HDAC9: variants seen among roughly 807,000 people sequenced by gnomAD.
HDAC9 encodes MEF-2 interacting transcription repressor (MITR) protein.
A neutral mutation model predicts 139.4 loss-of-function variants in HDAC9; 41 were observed. The ratio of observed to expected loss-of-function variants is 0.29; its 90% CI spans 0.23 to 0.38. The LOEUF (loss-of-function observed/expected upper bound fraction) is 0.38, where lower values mean the gene tolerates loss of function less well. Ranked by LOEUF, HDAC9 falls within the 10% of genes least tolerant of loss-of-function variation. HDAC9 has a pLI of 1.00. For missense variants in HDAC9, 1,147 were observed against 1,297.0 expected, an observed-to-expected ratio of 0.88 and a Z score of 1.78; for synonymous variants, 517 against 476.2, an observed-to-expected ratio of 1.09 and a Z score of -1.12.
intron 12 of HDAC9, among the ~76,000 whole-genome samples, chr7:18,713,170 G>A (rs1373662328): frequency 6.6e-6 from 1 of 152,116 alleles, no homozygotes; most frequent in Non-Finnish European, 1.5e-5. Context: ...TGTGAGAAAT[G>A]AGTGTCATAA....
At chr7:18,354,762 G>A (rs377404454) in intron 1 of HDAC9, among the ~76,000 whole-genome samples, 2 of 152,120 alleles carry the variant, frequency 1.3e-5, no homozygotes, top group African/African-American at 4.8e-5. Context: ...TGTGAAAAAG[G>A]CAATTCATCA....
Position 18,644,658 on chromosome 7 carries a change from C to CT in HDAC9, c.913-6dup, listed in dbSNP as rs769448152. On this transcript the variant is annotated splice_polypyrimidine_tract_variant and intron_variant, in intron 8 of 25. Transcript: ENST00000686413. The stretch of plus-strand genomic sequence containing the variant: ...TACTGTGGTATTTTGAGACTCTCCT[C>CT]TTTTTTTAACAGCAAATGGTTTCAC... 1.7e-5 allele frequency: 27 copies of CT among 1,603,700 alleles called. No homozygotes were observed. Among genetic ancestry groups the CT allele is most frequent in the African/African-American group, 2.7e-5 (2 of 74,508 alleles).
At chr7:18,202,447 A>G (rs545222622) in intron 2 of HDAC9, among the ~76,000 whole-genome samples, 4 of 152,278 alleles carry the variant, frequency 2.6e-5, no homozygotes, top group African/African-American at 7.2e-5. Flanking sequence ...TACTTAATTC[A>G]GAGGTAAATG....
At chr7:18,978,460 G>A (rs1394045652) in intron 25 of HDAC9, among the ~76,000 whole-genome samples, 3 of 152,130 alleles carry the variant, frequency 2.0e-5, no homozygotes, top group Non-Finnish European at 4.4e-5. Flanking sequence ...GATGGGCCTT[G>A]AAGAATAAAT....
At chr7:18,832,740 T>A (rs530451360) in intron 19 of HDAC9, among the ~76,000 whole-genome samples, 2 of 149,508 alleles carry the variant, frequency 1.3e-5, no homozygotes, top group African/African-American at 5.0e-5. Context: ...TATATATATA[T>A]TTTTTTTTTC....
intron 1 of HDAC9, among the ~76,000 whole-genome samples, chr7:18,410,036 TTC>T (rs923587743): frequency 2.0e-5 from 3 of 152,152 alleles, no homozygotes; most frequent in African/African-American, 7.2e-5. Flanking sequence ...TTTGGAGAAT[TTC>T]TGTCTGTTTC....
intron 2 of HDAC9, among the ~76,000 whole-genome samples, chr7:18,557,311 G>T (rs940911607): frequency 2.0e-5 from 3 of 150,522 alleles, no homozygotes; most frequent in African/African-American, 7.3e-5. Context: ...TTTATCCTGG[G>T]GCTTTGACAA....
chr7:18,507,011 ATT>A (rs1799972025), intron 2 of HDAC9, among the ~76,000 whole-genome samples: 1 of 152,000 alleles, frequency 6.6e-6, no homozygotes, highest in African/African-American at 2.4e-5. Flanking sequence ...TAAAATTAGA[ATT>A]GTGTTTTAAT....
chr7:18,467,863 T>C (rs1794413539), intron 1 of HDAC9, among the ~76,000 whole-genome samples: 1 of 152,188 alleles, frequency 6.6e-6, no homozygotes, highest in Non-Finnish European at 1.5e-5. Context: ...CCATCATATA[T>C]ATCCTTGCCT....
At chr7:18,482,196 C>T (rs1413318370) in intron 1 of HDAC9, among the ~76,000 whole-genome samples, 1 of 151,568 alleles carries the variant, frequency 6.6e-6, no homozygotes, top group Non-Finnish European at 1.5e-5. Flanking sequence ...GAGGTCTGAA[C>T]TGAAAACAGG....
chr7:18,162,592 G>T, intron 2 of HDAC9: 1 of 517,772 alleles, frequency 1.9e-6, no homozygotes. Flanking sequence ...TAATTCTTCT[G>T]CTTCCAAGGT....
intron 2 of HDAC9, among the ~76,000 whole-genome samples, chr7:18,234,388 G>A (rs936384892): frequency 2.0e-5 from 3 of 152,208 alleles, no homozygotes; most frequent in Admixed American, 6.5e-5. Flanking sequence ...AGGTAGGCTA[G>A]AGTGGCCAAA....
chr7:18,480,858 A>G (rs570082790), intron 1 of HDAC9, among the ~76,000 whole-genome samples: 43 of 152,350 alleles, frequency 2.8e-4, no homozygotes, highest in African/African-American at 9.4e-4. Flanking sequence ...TACATTGCCA[A>G]CAGGAATCAT....
intron 2 of HDAC9, among the ~76,000 whole-genome samples, chr7:18,206,990 C>T (rs1791561133): frequency 6.8e-6 from 1 of 147,632 alleles, no homozygotes; most frequent in South Asian, 2.1e-4. Context: ...GGCTGGAGTG[C>T]AATGGTGCCA....
At chr7:18,506,163 A>C (rs1476670605) in intron 2 of HDAC9, 1 of 152,242 alleles carries the variant, frequency 6.6e-6, no homozygotes, top group African/African-American at 2.4e-5. Context: ...TGTCTGCTTA[A>C]GGGGCAATAA....
intron 14 of HDAC9, among the ~76,000 whole-genome samples, chr7:18,758,448 G>C (rs943576534): frequency 6.6e-6 from 1 of 152,022 alleles, no homozygotes; most frequent in Non-Finnish European, 1.5e-5. Context: ...AAGAATAAAG[G>C]GTGCGCAGAA....
In HDAC9 at chr7:18,467,781, G is replaced by T. The variant is rs192090728; in HGVS notation, c.-41-28481G>T. 8.8e-4 allele frequency among the ~76,000 whole-genome samples: 134 copies of T among 152,160 alleles called. 1 individual carries two copies. In the South Asian group the frequency reaches 9.7e-3, roughly 11 times the overall value. On this transcript the variant is annotated intron_variant, in intron 1 of 3. Coordinates refer to the HDAC9 transcript ENST00000413509. Reference sequence around the variant, plus strand: ...TTGCCCAAACTCCACAGTTTATTTGGATTTTAATAGTTTTCCCCTTGTGTC... The same window carrying T: ...TTGCCCAAACTCCACAGTTTATTTGTATTTTAATAGTTTTCCCCTTGTGTC...
intron 2 of HDAC9, among the ~76,000 whole-genome samples, chr7:18,552,566 A>C (rs1817499953): frequency 6.6e-6 from 1 of 152,184 alleles, no homozygotes. Flanking sequence ...TCAGGGAAGG[A>C]AAAATAATGA....
intron 1 of HDAC9, among the ~76,000 whole-genome samples, chr7:18,106,380 C>T (rs1473150983): frequency 6.6e-6 from 1 of 152,136 alleles, no homozygotes; most frequent in Non-Finnish European, 1.5e-5. Flanking sequence ...TCCTCTCTCC[C>T]TTGCACTAGT....
Sources: gnomAD v4.1 joint callset for allele counts (sites outside exome capture counted in the v4.1 genomes callset) on GRCh38, gnomAD v4.1.1 for gene constraint, MANE v1.5 for transcripts, NCBI Gene and HGNC (gene_info 2026-07-23, HGNC 2026-07-21) for gene names.